UNG: variants seen among roughly 807,000 people sequenced by gnomAD.
UNG encodes uracil-DNA glycosylase.
In UNG, 34 loss-of-function variants were observed where a neutral mutation model predicts 36.5. That is an observed-to-expected ratio of 0.93 (90% CI 0.71 to 1.24). UNG has a LOEUF of 1.24. Ranked by LOEUF, UNG falls within the 50% of genes most tolerant of loss-of-function variation. The probability of loss-of-function intolerance (pLI) is 0.00; values close to 1 mark genes in which losing one functional copy is unlikely to be tolerated. For synonymous variants in UNG, 172 were observed against 157.8 expected, an observed-to-expected ratio of 1.09 and a Z score of -0.67; for missense variants, 391 against 397.6, an observed-to-expected ratio of 0.98 and a Z score of 0.14.
At chr12:109,098,142 G>GGGCGGGTCT (rs2042146021) in intron 1 of UNG, 5 of 1,388,956 alleles carry the variant, frequency 3.6e-6, no homozygotes, top group Non-Finnish European at 4.6e-6. Context: ...GGACGCGGTG[G>GGGCGGGTCT]GGCGGGTCTG....
chr12:109,103,248 G>A (rs371796205), intron 5 of UNG, among the ~76,000 whole-genome samples, 185 bp from the exon 6 acceptor site: 1 of 152,144 alleles, frequency 6.6e-6, no homozygotes, highest in Non-Finnish European at 1.5e-5. Context: ...AAGCCACCAC[G>A]CCCAGCCCCG....
chr12:109,102,822 T>C lies in UNG; in HGVS notation c.534-17T>C, dbSNP rs777618710. 1.2e-6 allele frequency: 2 copies of C among 1,602,336 alleles called. No homozygotes were observed. The highest frequency in any genetic ancestry group is 1.7e-6 in the Non-Finnish European group (2 of 1,169,340). ...CTTAAGATTCTGTTTTTTGTTTTTC[T>C]TGTGGCTTGCTTTCAGTTTGGAGAA... On this transcript the variant is annotated splice_polypyrimidine_tract_variant and intron_variant, in intron 4 of 6. Transcript: ENST00000242576.
At chr12:109,106,743 C>T (rs1312752288) in intron 6 of UNG, among the ~76,000 whole-genome samples, 4 of 148,746 alleles carry the variant, frequency 2.7e-5, no homozygotes, top group Non-Finnish European at 5.9e-5. Context: ...TACTAAAATA[C>T]AAAAAATTAG....
At chr12:109,099,081 A>T in intron 2 of UNG, 108 bp from the exon 3 acceptor site, 2 of 1,084,448 alleles carry the variant, frequency 1.8e-6, no homozygotes, top group Non-Finnish European at 2.8e-6. Context: ...ACATAACATG[A>T]CAAAGAACTA....
Position 109,106,528 on chromosome 12 carries a change from A to T in UNG, c.801+2917A>T, listed in dbSNP as rs1022774489. On this transcript the variant is annotated intron_variant, in intron 6 of 6. Transcript: ENST00000242576. The stretch of plus-strand genomic sequence containing the variant: ...TTAAAATAACTATAGTTGATATTTT[A>T]AAAAAATCAAAGTAGTCATTTGCCA... Among the ~76,000 whole-genome samples, 9 of 152,030 alleles carry T rather than the reference A, an allele frequency of 5.9e-5. No individual in the cohort carries two copies. In the East Asian group the frequency reaches 1.2e-3, roughly 20 times the overall value.
rs1012665168 is a variant in UNG at position 109,110,100 on chromosome 12, T to C, written c.*131T>C. 2.1e-5 allele frequency: 27 copies of C among 1,275,692 alleles called. No individual in the cohort carries two copies. The highest frequency in any genetic ancestry group is 3.0e-5 in the Non-Finnish European group (27 of 909,190). The allele number at this position is 1,275,692 out of a possible 1,614,324, so 79.0% of individuals were successfully genotyped here. A position where few individuals can be genotyped will look rare whatever the true frequency, so the allele number is the denominator to read the frequency against. On this transcript the variant is annotated 3_prime_UTR_variant, in exon 7 of 7. Transcript: ENST00000242576. ...GGGAAAAGCTTCCAGAAAGCAGCCA[T>C]GAACCAGGCTGTCCAGGAATGGCAG... is the stretch of plus-strand genomic sequence containing the variant.
At chr12:109,104,062 G>GTTTTTTTTTTTTT (rs1555265048) in intron 6 of UNG, among the ~76,000 whole-genome samples, 4,079 of 150,234 alleles carry the variant, frequency 0.027, 194 homozygotes, top group African/African-American at 0.096. Flanking sequence ...TGGGTTTTTT[G>GTTTTTTTTTTTTT]TTTTTTGATG....
intron 3 of UNG, among the ~76,000 whole-genome samples, chr12:109,100,253 C>G (rs1259502135): frequency 6.6e-6 from 1 of 152,180 alleles, no homozygotes; most frequent in Admixed American, 6.5e-5. Context: ...GTGGCACCTC[C>G]TTGAATTGAA....
intron 4 of UNG, among the ~76,000 whole-genome samples, chr12:109,102,495 G>A (rs1467988162): frequency 6.6e-6 from 1 of 151,982 alleles, no homozygotes; most frequent in Non-Finnish European, 1.5e-5. Flanking sequence ...AAGAACCACT[G>A]CTTTTGGAGG....
rs113481690 is a variant in UNG at position 109,100,076 on chromosome 12, AC to A, written c.435+794del. Among the ~76,000 whole-genome samples, 909 of 152,118 alleles carry A rather than the reference AC, an allele frequency of 6.0e-3. 5 individuals carry two copies. Among genetic ancestry groups the A allele is most frequent in the African/African-American group, 0.02 (825 of 41,490 alleles). On this transcript the variant is annotated intron_variant, in intron 3 of 6. Transcript: ENST00000242576. The stretch of plus-strand genomic sequence containing the variant: ...GACCCTGTCTCAAAACAAAAAAAAA[AC>A]CGTGGCTTCTCACTGTTGAACTATG...
intron 6 of UNG, among the ~76,000 whole-genome samples, chr12:109,107,338 C>T (rs2042225234): frequency 1.3e-5 from 2 of 151,878 alleles, no homozygotes; most frequent in Non-Finnish European, 2.9e-5. Flanking sequence ...GTAGCAGGGA[C>T]CACAGGCGTG....
chr12:109,098,718 G>C, intron 2 of UNG, 80 bp downstream of exon 2: 1 of 1,591,596 alleles, frequency 6.3e-7, no homozygotes, highest in South Asian at 1.1e-5. Context: ...AGCCGGCCAA[G>C]TTCATGTTTC....
chr12:109,102,705 C>T (rs758287869), intron 4 of UNG, 134 bp from the exon 5 acceptor site: 9 of 697,580 alleles, frequency 1.3e-5, no homozygotes, highest in East Asian at 5.4e-5. Context: ...CATTAATCGG[C>T]GCCATATGTG....
At chr12:109,103,811 T>C (rs1220230968) in intron 6 of UNG, among the ~76,000 whole-genome samples, 200 bp downstream of exon 6, 3 of 152,044 alleles carry the variant, frequency 2.0e-5, no homozygotes, top group Admixed American at 2.0e-4. Flanking sequence ...TGATGAGTTG[T>C]GTATGAGGAA....
intron 6 of UNG, 102 bp downstream of exon 6, chr12:109,103,713 A>G: frequency 7.7e-7 from 1 of 1,306,424 alleles, no homozygotes; most frequent in Non-Finnish European, 1.0e-6. Context: ...TGGAAAATCC[A>G]TGTTATAAAA....
chr12:109,104,620 A>G (rs1206427029), intron 6 of UNG, among the ~76,000 whole-genome samples: 1 of 152,082 alleles, frequency 6.6e-6, no homozygotes. Flanking sequence ...ATGAGTCACC[A>G]TCATCTTTCT....
At chr12:109,104,699 A>AG (rs1191704910) in intron 6 of UNG, among the ~76,000 whole-genome samples, 2 of 151,848 alleles carry the variant, frequency 1.3e-5, no homozygotes, top group Non-Finnish European at 2.9e-5. Context: ...AGGGAGAGAT[A>AG]GGGGGTGGGA....
chr12:109,110,087 C>T lies in UNG; in HGVS notation c.*118C>T. On this transcript the variant is annotated 3_prime_UTR_variant, in exon 7 of 7. Coordinates refer to ENST00000242576, the MANE Select transcript of UNG (RefSeq NM_080911.3). The stretch of plus-strand genomic sequence containing the variant: ...ACTCTGCATAAGGGGGAAAAGCTTC[C>T]AGAAAGCAGCCATGAACCAGGCTGT... The T allele has an allele frequency of 3.5e-6, 5 of 1,432,968 alleles. No individual in the cohort carries two copies. Among genetic ancestry groups the T allele is most frequent in the Non-Finnish European group, 4.8e-6 (5 of 1,045,508 alleles). 88.8% of individuals were successfully genotyped at this position (1,432,968 alleles called of 1,614,324 possible). A position where few individuals can be genotyped will look rare whatever the true frequency, so the allele number is the denominator to read the frequency against.
chr12:109,103,788 C>T (rs962683175), intron 6 of UNG, among the ~76,000 whole-genome samples, 177 bp downstream of exon 6: 1 of 152,066 alleles, frequency 6.6e-6, no homozygotes, highest in Non-Finnish European at 1.5e-5. Flanking sequence ...AGAATTTGGA[C>T]AAATTATAGG....
Sources: allele counts gnomAD v4.1 joint callset (sites outside exome capture counted in the v4.1 genomes callset), GRCh38; gene constraint gnomAD v4.1.1; transcripts MANE v1.5; gene names NCBI Gene and HGNC (gene_info 2026-07-23, HGNC 2026-07-21).